The following ADGRB3 variants were observed in gnomAD, a reference collection of about 807,000 sequenced individuals.
The protein encoded by ADGRB3 is brain-specific angiogenesis inhibitor 3.
A neutral mutation model predicts 193.4 loss-of-function variants in ADGRB3; 37 were observed. The observed-to-expected ratio is 0.19, with a 90% CI of 0.15 to 0.25. ADGRB3 has a LOEUF of 0.25. Among genes scored for constraint, ADGRB3 ranks in the 10% least tolerant of loss-of-function variants. ADGRB3 has a pLI of 1.00. For missense variants in ADGRB3, 1,637 were observed against 1,852.9 expected (o/e 0.88, Z 2.14); for synonymous variants, 690 against 644.2 (o/e 1.07, Z -1.08).
chr6:69,164,371 G>GA (rs79703202), intron 17 of ADGRB3, among the ~76,000 whole-genome samples: 81 of 145,080 alleles, frequency 5.6e-4, no homozygotes, highest in South Asian at 1.5e-3. Flanking sequence ...TGTCAAGTTA[G>GA]AAAAAAAAAA....
intron 17 of ADGRB3, among the ~76,000 whole-genome samples, chr6:69,210,972 A>G (rs1483958934): frequency 6.6e-6 from 1 of 150,402 alleles, no homozygotes; most frequent in East Asian, 1.9e-4. Context: ...AAAAAAAAAA[A>G]TTAACCAGGC....
intron 3 of ADGRB3, among the ~76,000 whole-genome samples, chr6:68,925,928 A>C (rs1055402086): frequency 1.3e-5 from 2 of 152,050 alleles, no homozygotes; most frequent in Non-Finnish European, 2.9e-5. Context: ...AGTGACACTT[A>C]ATTTTCAAAT....
At chr6:69,099,798 G>A (rs1772981773) in intron 17 of ADGRB3, among the ~76,000 whole-genome samples, 1 of 152,142 alleles carries the variant, frequency 6.6e-6, no homozygotes, top group Non-Finnish European at 1.5e-5. Flanking sequence ...TCCAAGGGGT[G>A]ATTACATTTA....
At chr6:68,982,236 C>T (rs72906776) in intron 10 of ADGRB3, among the ~76,000 whole-genome samples, 15,640 of 151,964 alleles carry the variant, frequency 0.1, 1,632 homozygotes, top group East Asian at 0.57. Flanking sequence ...TTTTCATATC[C>T]GGTAATATTT....
chr6:69,116,003 G>A (rs1257655167), intron 17 of ADGRB3, among the ~76,000 whole-genome samples: 1 of 152,120 alleles, frequency 6.6e-6, no homozygotes, highest in Admixed American at 6.6e-5. Context: ...TTGTAGAGTA[G>A]GCTATCGAGC....
intron 10 of ADGRB3, among the ~76,000 whole-genome samples, chr6:68,984,724 A>C (rs528182197): frequency 1.7e-4 from 26 of 152,280 alleles, no homozygotes; most frequent in African/African-American, 6.0e-4. Flanking sequence ...AATTAAAGAA[A>C]ACCCAAGAAG....
intron 17 of ADGRB3, among the ~76,000 whole-genome samples, chr6:69,141,127 T>G (rs866987463): frequency 2.4e-3 from 139 of 57,736 alleles, no homozygotes; most frequent in Middle Eastern, 0.021. Context: ...TTCTTTTTTT[T>G]TGGGGGGGGC....
intron 17 of ADGRB3, among the ~76,000 whole-genome samples, chr6:69,109,881 A>G (rs1009808761): frequency 3.9e-5 from 6 of 152,030 alleles, no homozygotes; most frequent in Admixed American, 6.6e-5. Flanking sequence ...ATTATTGAGT[A>G]TAATTAATAG....
rs1561974954 is a variant in ADGRB3, at chr6:69,279,066, CATATGTATATAT to C, written c.2814+39845_2814+39856del. On this transcript the variant is annotated intron_variant, in intron 20 of 31. Transcript: ENST00000370598. The stretch of plus-strand genomic sequence containing the variant: ...AACACCTCATATGGCATATTAAATA[CATATGTATATAT>C]ATATATATATATATATATATATATA... 5.6e-5 allele frequency among the ~76,000 whole-genome samples: 3 copies of C among 53,758 alleles called. No homozygotes were observed. The South Asian group carries it at 2.1e-3, about 37-fold the overall frequency. 35.3% of individuals were successfully genotyped at this position (53,758 alleles called of 152,430 possible).
intron 20 of ADGRB3, among the ~76,000 whole-genome samples, chr6:69,261,430 C>T (rs1006416142): frequency 7.9e-5 from 12 of 151,968 alleles, no homozygotes; most frequent in Admixed American, 1.3e-4. Context: ...CTCCAAAATA[C>T]GGATACAGGG....
intron 3 of ADGRB3, among the ~76,000 whole-genome samples, chr6:68,745,525 G>T (rs2127344389): frequency 6.6e-6 from 1 of 152,114 alleles, no homozygotes; most frequent in East Asian, 1.9e-4. Flanking sequence ...CCAACAATGT[G>T]AATGTAACAT....
At chr6:69,296,434 G>C (rs1033463464) in intron 20 of ADGRB3, among the ~76,000 whole-genome samples, 1 of 151,890 alleles carries the variant, frequency 6.6e-6, no homozygotes, top group Non-Finnish European at 1.5e-5. Context: ...GCATATTTCG[G>C]GACATGGCAA....
intron 24 of ADGRB3, among the ~76,000 whole-genome samples, chr6:69,336,257 A>G (rs1444695774): frequency 6.6e-6 from 1 of 152,000 alleles, no homozygotes; most frequent in Non-Finnish European, 1.5e-5. Context: ...TAAAAATGGC[A>G]TGTATATTTT....
chr6:69,232,705 C>CTTCCCGT, intron 17 of ADGRB3: 1 of 1,294,364 alleles, frequency 7.7e-7, no homozygotes, highest in South Asian at 1.3e-5. Flanking sequence ...GCTGCTGCTG[C>CTTCCCGT]TTCCCGTTTC....
intron 17 of ADGRB3, among the ~76,000 whole-genome samples, chr6:69,144,953 A>G (rs1027187035): frequency 2.3e-5 from 3 of 132,800 alleles, no homozygotes; most frequent in African/African-American, 8.6e-5. Flanking sequence ...TGGTTTTGCT[A>G]TCGGGGTAAT....
At chr6:69,337,854 T>C (rs1347975206) in intron 24 of ADGRB3, among the ~76,000 whole-genome samples, 3 of 152,310 alleles carry the variant, frequency 2.0e-5, no homozygotes, top group Middle Eastern at 3.4e-3. Flanking sequence ...CTTCTGCCAC[T>C]TTTTTTATAC....
chr6:68,756,122 C>CT (rs966409707), intron 3 of ADGRB3, among the ~76,000 whole-genome samples: 1 of 152,038 alleles, frequency 6.6e-6, no homozygotes, highest in Non-Finnish European at 1.5e-5. Context: ...TGCTAGCTAA[C>CT]TCGGCTGTGG....
intron 3 of ADGRB3, among the ~76,000 whole-genome samples, chr6:68,865,023 CCTGCTTTCTATACT>C (rs1765255895): frequency 6.6e-6 from 1 of 152,036 alleles, no homozygotes; most frequent in Non-Finnish European, 1.5e-5. Context: ...GATGAAATTG[CCTGCTTTCTATACT>C]GAAGGCTAAC....
chr6:68,680,514 T>C lies in ADGRB3; in HGVS notation c.757+41082T>C, dbSNP rs554398332. Among the ~76,000 whole-genome samples, 3 of 152,266 alleles carry C rather than the reference T, an allele frequency of 2.0e-5. 1 individual carries two copies. The South Asian group carries it at 6.2e-4, about 32-fold the overall frequency. ...TTTTGGACTCTTCATCTATTTGAAC[T>C]GTGGTAGAGCTGGTTAACCTTGCTG... is the stretch of plus-strand genomic sequence containing the variant. On this transcript the variant is annotated intron_variant, in intron 3 of 31. Transcript: ENST00000370598.
Sources: allele counts gnomAD v4.1 joint callset (sites outside exome capture counted in the v4.1 genomes callset), GRCh38; gene constraint gnomAD v4.1.1; transcripts MANE v1.5; gene names NCBI Gene and HGNC (gene_info 2026-07-23, HGNC 2026-07-21).